The following ZNF385D variants were observed in gnomAD, a reference collection of about 807,000 sequenced individuals.
ZNF385D encodes zinc finger protein 659.
Under a neutral mutation model 35.8 loss-of-function variants are expected in ZNF385D, and 15 were observed. The ratio of observed to expected loss-of-function variants is 0.42; its 90% CI spans 0.28 to 0.64. The LOEUF is 0.64. Ranked by LOEUF, ZNF385D falls within the 30% of genes least tolerant of loss-of-function variation. The pLI, the probability that ZNF385D is intolerant of heterozygous loss-of-function variation, is 0.23. For synonymous variants in ZNF385D, 212 were observed against 186.8 expected, an observed-to-expected ratio of 1.13 and a Z score of -1.10; for missense variants, 474 against 494.6, an observed-to-expected ratio of 0.96 and a Z score of 0.39.
chr3:22,064,974 T>C (rs1699862224), intron 3 of ZNF385D, among the ~76,000 whole-genome samples: 1 of 152,222 alleles, frequency 6.6e-6, no homozygotes, highest in Non-Finnish European at 1.5e-5. Context: ...ACAAATTATA[T>C]TATGACGGTA....
At chr3:22,040,507 T>C (rs1392501684) in intron 3 of ZNF385D, among the ~76,000 whole-genome samples, 1 of 152,170 alleles carries the variant, frequency 6.6e-6, no homozygotes, top group African/African-American at 2.4e-5. Flanking sequence ...AATTTTGATT[T>C]TCTAAAATGG....
intron 2 of ZNF385D, among the ~76,000 whole-genome samples, chr3:21,660,991 C>G (rs2066222303): frequency 6.6e-6 from 1 of 152,188 alleles, no homozygotes; most frequent in African/African-American, 2.4e-5. Flanking sequence ...TCCTTGCCAA[C>G]AGTGCCCAGG....
At chr3:21,506,390 GTTGT>G (rs1706781751) in intron 4 of ZNF385D, among the ~76,000 whole-genome samples, 1 of 152,120 alleles carries the variant, frequency 6.6e-6, no homozygotes, top group Admixed American at 6.6e-5. Flanking sequence ...GATTTTAGAG[GTTGT>G]TTATTACTGC....
intron 4 of ZNF385D, among the ~76,000 whole-genome samples, chr3:21,478,229 G>A (rs1277075121): frequency 6.6e-6 from 1 of 152,004 alleles, no homozygotes; most frequent in Non-Finnish European, 1.5e-5. Flanking sequence ...ACAAATATTT[G>A]TCCTGTGGTT....
chr3:22,234,204 G>T (rs749961674), intron 2 of ZNF385D, among the ~76,000 whole-genome samples: 1 of 152,006 alleles, frequency 6.6e-6, no homozygotes, highest in African/African-American at 2.4e-5. Flanking sequence ...AGTTTTATTT[G>T]TTGCCTTATC....
chr3:21,633,898 G>C (rs1465362633), intron 2 of ZNF385D, among the ~76,000 whole-genome samples: 4 of 151,880 alleles, frequency 2.6e-5, no homozygotes, highest in Non-Finnish European at 4.4e-5. Context: ...GGCATTAGTG[G>C]TTAAATAGAG....
chr3:22,155,822 G>A (rs1405318607), intron 3 of ZNF385D, among the ~76,000 whole-genome samples: 11 of 151,928 alleles, frequency 7.2e-5, no homozygotes, highest in African/African-American at 2.7e-4. Flanking sequence ...TTAAAATAAG[G>A]ATAGAAGAGT....
chr3:22,303,775 TTTTC>T (rs1703050154), intron 2 of ZNF385D, among the ~76,000 whole-genome samples: 1 of 152,156 alleles, frequency 6.6e-6, no homozygotes. Context: ...TTCTGTTTCC[TTTTC>T]TTTTTTTTCT....
At chr3:21,519,040 T>C (rs1181406847) in intron 3 of ZNF385D, among the ~76,000 whole-genome samples, 1 of 152,068 alleles carries the variant, frequency 6.6e-6, no homozygotes, top group Admixed American at 6.6e-5. Context: ...TGAGCTCAAG[T>C]GATTGATGCT....
chr3:22,333,123 A>C (rs1294867130), intron 2 of ZNF385D, among the ~76,000 whole-genome samples: 1 of 152,170 alleles, frequency 6.6e-6, no homozygotes, highest in Non-Finnish European at 1.5e-5. Flanking sequence ...CATTTAAAAA[A>C]TATTTTGCCA....
chr3:21,796,418 C>T (rs1016764276), intron 3 of ZNF385D, among the ~76,000 whole-genome samples: 17 of 152,122 alleles, frequency 1.1e-4, no homozygotes, highest in African/African-American at 3.4e-4. Flanking sequence ...TCCAAAAATG[C>T]GTAAAAAATT....
At chr3:21,975,824 A>G (rs1703582404) in intron 3 of ZNF385D, among the ~76,000 whole-genome samples, 3 of 150,766 alleles carry the variant, frequency 2.0e-5, no homozygotes, top group African/African-American at 4.9e-5. Context: ...AAAATAAAAA[A>G]AAAATTAAGT....
At chr3:22,057,136 C>T (rs542511555) in intron 3 of ZNF385D, among the ~76,000 whole-genome samples, 1 of 152,344 alleles carries the variant, frequency 6.6e-6, no homozygotes, top group South Asian at 2.1e-4. Flanking sequence ...GTGTTTAAAA[C>T]TCAGGCTTTA....
chr3:21,527,801 C>T (rs1409798442), intron 3 of ZNF385D, among the ~76,000 whole-genome samples: 1 of 151,964 alleles, frequency 6.6e-6, no homozygotes, highest in Non-Finnish European at 1.5e-5. Context: ...TAGCTTAGGG[C>T]ATATTTGTCA....
intron 3 of ZNF385D, among the ~76,000 whole-genome samples, chr3:21,872,730 G>A (rs183693058): frequency 1.6e-4 from 25 of 152,072 alleles, no homozygotes; most frequent in Admixed American, 1.0e-3. Flanking sequence ...CTTCTGAAGG[G>A]ATAAAAGCAT....
intron 3 of ZNF385D, among the ~76,000 whole-genome samples, chr3:22,030,279 A>ACATATATATATATATATGTATG (rs1697880489): frequency 8.1e-5 from 9 of 110,494 alleles, no homozygotes; most frequent in East Asian, 2.5e-4. Context: ...ATATATATAT[A>ACATATATATATATATATGTATG]TATATATATA....
At position 21,819,049 on chromosome 3, in the gene ZNF385D, T is replaced by C. The variant is rs74682961; in HGVS notation, c.326-154021A>G. The stretch of plus-strand genomic sequence containing the variant: ...AATTGACAGAAAAGTGTTCTTGTTA[T>C]TAACAGGGCCTTGTAATTTTCTGGA... On this transcript the variant is annotated intron_variant, in intron 3 of 5. Coordinates refer to the ZNF385D transcript ENST00000494108. Among the ~76,000 whole-genome samples the C allele has an allele frequency of 3.4e-3, 514 of 152,146 alleles. 1 individual carries two copies. The highest frequency in any genetic ancestry group is 0.012 in the African/African-American group (486 of 41,570).
At position 22,029,328 on chromosome 3, in the gene ZNF385D, T is replaced by C. The variant is rs188918218; in HGVS notation, c.325+139489A>G. On this transcript the variant is annotated intron_variant, in intron 3 of 5. Coordinates refer to the ZNF385D transcript ENST00000494108. Reference sequence around the variant, plus strand: ...ATAGGAGATCCATTAGGGCTTCTCATAGTATGACCATGCCCTGTGATTAAG... The same window carrying C: ...ATAGGAGATCCATTAGGGCTTCTCACAGTATGACCATGCCCTGTGATTAAG... Among the ~76,000 whole-genome samples, 6 of 152,304 alleles carry C rather than the reference T, an allele frequency of 3.9e-5. No homozygotes were observed. In the East Asian group the frequency reaches 1.2e-3, roughly 29 times the overall value.
At chr3:22,126,014 A>AT (rs1039392905) in intron 3 of ZNF385D, among the ~76,000 whole-genome samples, 3 of 151,924 alleles carry the variant, frequency 2.0e-5, no homozygotes, top group African/African-American at 7.2e-5. Flanking sequence ...AAAGCTTTTA[A>AT]TTTTTTTCCA....
Sources: gnomAD v4.1 joint callset for allele counts (sites outside exome capture counted in the v4.1 genomes callset) on GRCh38, gnomAD v4.1.1 for gene constraint, MANE v1.5 for transcripts, NCBI Gene and HGNC (gene_info 2026-07-23, HGNC 2026-07-21) for gene names.